OR10D3: variants seen among roughly 807,000 people sequenced by gnomAD.
OR10D3 encodes the protein olfactory receptor family 10 subfamily D member 3, also known as olfactory receptor 10D3.
For missense variants in OR10D3, 286 were observed against 153.7 expected, an observed-to-expected ratio of 1.86 and a Z score of -4.55; for synonymous variants, 100 against 57.6, an observed-to-expected ratio of 1.74 and a Z score of -3.33.
At chr11:124,187,727 T>C (rs1861242304) in exon 2 of OR10D3, 1 of 152,238 alleles carries the variant, frequency 6.6e-6, no homozygotes, top group Admixed American at 6.5e-5. Context: ...ATAATTGTCT[T>C]AGTAGCCTCT....
intron 1 of OR10D3, 27 bp downstream of exon 1, chr11:124,183,410 CTCTTTCTCTCTCTT>C (rs1420339990): frequency 1.2e-5 from 1 of 81,912 alleles, no homozygotes; most frequent in East Asian, 4.5e-4. Flanking sequence ...CCATCTTTGC[CTCTTTCTCTCTCTT>C]TCTTTCTCTC....
intron 1 of OR10D3, among the ~76,000 whole-genome samples, chr11:124,184,448 C>G (rs1231908754): frequency 6.6e-6 from 1 of 152,038 alleles, no homozygotes; most frequent in Non-Finnish European, 1.5e-5. Flanking sequence ...CCATTGCTTA[C>G]TAAGGAGGAG....
intron 1 of OR10D3, among the ~76,000 whole-genome samples, chr11:124,184,544 C>T (rs1016236251): frequency 5.3e-5 from 8 of 151,938 alleles, no homozygotes; most frequent in South Asian, 2.1e-4. Context: ...CCAGTAATGC[C>T]GTGATCTATC....
At chr11:124,185,508 A>C (rs770404450) in exon 2 of OR10D3, 3 of 703,188 alleles carry the variant, frequency 4.3e-6, no homozygotes, top group Middle Eastern at 2.3e-4. Context: ...ACTTGTCCCA[A>C]AATGCTGCTC....
In OR10D3 at chr11:124,186,011, A is replaced by G. The variant is rs889892837; in HGVS notation, c.742A>G (p.Ile248Val). ...CACCTGCAGTGCTCACCTCATTGCC[A>G]TCCTCTGTGCCTATGGGCCCATCAT... The change falls in exon 2 of 2, where the codon ATC becomes GTC. Residue 248 changes from isoleucine (I) to valine (V), a missense_variant. Ile to Val is a conservative substitution (Grantham distance 29). Coordinates refer to ENST00000641351, the Ensembl canonical transcript of OR10D3. The G allele has an allele frequency of 8.5e-6, 6 of 703,404 alleles. No individual in the cohort carries two copies. The Admixed American group carries it at 1.2e-4, about 14-fold the overall frequency. The allele number at this position is 703,404 out of a possible 1,614,324, so 43.6% of individuals were successfully genotyped here.
intron 1 of OR10D3, among the ~76,000 whole-genome samples, chr11:124,184,859 A>T (rs1372829525): frequency 6.6e-6 from 1 of 152,306 alleles, no homozygotes; most frequent in East Asian, 1.9e-4. Context: ...AAATATGATG[A>T]TTCCCGAATT....
exon 2 of OR10D3, chr11:124,188,294 A>G (rs1386756326): frequency 2.0e-5 from 3 of 152,252 alleles, no homozygotes; most frequent in Non-Finnish European, 4.4e-5. Context: ...TCTTCCAGTA[A>G]AAAACAGACA....
exon 2 of OR10D3, chr11:124,185,570 C>T (rs1861212088): frequency 4.3e-6 from 3 of 703,400 alleles, no homozygotes; most frequent in African/African-American, 1.7e-5. Flanking sequence ...TGTCTGCCAG[C>T]TTTTCTTCTT....
intron 1 of OR10D3, 87 bp downstream of exon 1, chr11:124,183,470 C>T (rs1591376293): frequency 6.6e-6 from 1 of 151,104 alleles, no homozygotes; most frequent in Non-Finnish European, 1.5e-5. Flanking sequence ...CTTTCTCTTT[C>T]TTTCTCTTTT....
intron 1 of OR10D3, among the ~76,000 whole-genome samples, chr11:124,184,907 A>G (rs954073981): frequency 2.0e-5 from 3 of 152,204 alleles, no homozygotes; most frequent in Admixed American, 6.5e-5. Context: ...AAGCCCTCAA[A>G]TAATCCTGAC....
chr11:124,186,500 ATTT>A (rs57201296), exon 2 of OR10D3: 22 of 150,386 alleles, frequency 1.5e-4, no homozygotes, highest in East Asian at 3.7e-4. Context: ...CCATCCTGCC[ATTT>A]TTTTTTTTTT....
exon 2 of OR10D3, chr11:124,185,810 A>G: frequency 1.4e-6 from 1 of 703,706 alleles, no homozygotes; most frequent in Non-Finnish European, 2.6e-6. Context: ...CTTCTGTGAC[A>G]TTCCAGCACT....
chr11:124,184,670 C>G (rs1474356266), intron 1 of OR10D3, among the ~76,000 whole-genome samples: 1 of 152,166 alleles, frequency 6.6e-6, no homozygotes, highest in Non-Finnish European at 1.5e-5. Context: ...AGTCACCTAG[C>G]CTTCCTACTG....
chr11:124,187,272 A>G (rs1861237052), exon 2 of OR10D3: 1 of 152,162 alleles, frequency 6.6e-6, no homozygotes, highest in South Asian at 2.1e-4. Flanking sequence ...GGATCATTTC[A>G]TTACCTACCA....
chr11:124,184,948 G>T (rs548186415), intron 1 of OR10D3, among the ~76,000 whole-genome samples: 17 of 152,294 alleles, frequency 1.1e-4, no homozygotes, highest in African/African-American at 4.1e-4. Context: ...GGGAGGAGGA[G>T]CATGTGTTTG....
At chr11:124,185,393 A>G (rs1394784679) in exon 2 of OR10D3, 1 of 703,072 alleles carries the variant, frequency 1.4e-6, no homozygotes, top group Admixed American at 2.0e-5. Flanking sequence ...TCTACTGGGA[A>G]ATGTGTCTAT....
exon 2 of OR10D3, chr11:124,187,595 T>C (rs1207248353): frequency 2.0e-5 from 3 of 152,230 alleles, no homozygotes; most frequent in Admixed American, 1.3e-4. Context: ...CACTGTGATG[T>C]AACAAAAATA....
chr11:124,183,652 G>T (rs981117792), intron 1 of OR10D3, among the ~76,000 whole-genome samples: 11 of 147,834 alleles, frequency 7.4e-5, no homozygotes, highest in Admixed American at 2.0e-4. Flanking sequence ...CCACCTCCCG[G>T]GTTCAAGCAA....
chr11:124,186,265 A>G (rs1209004359), exon 2 of OR10D3: 1 of 626,748 alleles, frequency 1.6e-6, no homozygotes, highest in Non-Finnish European at 2.9e-6. Flanking sequence ...GACCTAAGAA[A>G]TTTCATTCTG....
Sources: gnomAD v4.1 joint callset for allele counts (sites outside exome capture counted in the v4.1 genomes callset) on GRCh38, gnomAD v4.1.1 for gene constraint, MANE v1.5 for transcripts, NCBI Gene and HGNC (gene_info 2026-07-23, HGNC 2026-07-21) for gene names.